Variants in CHRNB4 observed in about 807,000 individuals in gnomAD.
The protein encoded by CHRNB4 is cholinergic receptor nicotinic beta 4 subunit.
A neutral mutation model predicts 40.4 loss-of-function variants in CHRNB4; 23 were observed. That is an observed-to-expected ratio of 0.57 (90% CI 0.41 to 0.81). CHRNB4 has a LOEUF of 0.81. Ranked by LOEUF, CHRNB4 falls within the 30% of genes least tolerant of loss-of-function variation. CHRNB4 has a pLI of 0.00. For missense variants in CHRNB4, 568 were observed against 670.6 expected, an observed-to-expected ratio of 0.85 and a Z score of 1.69; for synonymous variants, 285 against 274.4, an observed-to-expected ratio of 1.04 and a Z score of -0.38.
intron 5 of CHRNB4, among the ~76,000 whole-genome samples, chr15:78,653,219 A>C (rs2054187429): frequency 6.6e-6 from 1 of 152,170 alleles, no homozygotes; most frequent in South Asian, 2.1e-4. Context: ...AGTCATAACT[A>C]ATGATGTGTA....
intron 1 of CHRNB4, chr15:78,658,402 A>G (rs1269319822): frequency 6.6e-6 from 1 of 152,108 alleles, no homozygotes; most frequent in Non-Finnish European, 1.5e-5. Context: ...GTTTGAATGA[A>G]TGAATGAATG....
upstream of CHRNB4, among the ~76,000 whole-genome samples, chr15:78,643,669 A>T (rs1221304326): frequency 6.6e-6 from 1 of 152,148 alleles, no homozygotes; most frequent in Admixed American, 6.5e-5. Context: ...TTAAAATTGG[A>T]AAGAAAAAAC....
At chr15:78,625,351 G>C in intron 5 of CHRNB4, 60 bp from the exon 6 acceptor site, 3 of 1,457,988 alleles carry the variant, frequency 2.1e-6, no homozygotes, top group Non-Finnish European at 2.8e-6. Flanking sequence ...TCCTTTCCCC[G>C]AGTCAGGCCC....
chr15:78,649,475 T>TA (rs750289485), intron 6 of CHRNB4: 23 of 439,492 alleles, frequency 5.2e-5, no homozygotes, highest in South Asian at 2.8e-4. Flanking sequence ...TAAAGCACTA[T>TA]AAAAAACAAA....
At chr15:78,654,751 T>C (rs1272706154) in intron 5 of CHRNB4, among the ~76,000 whole-genome samples, 1 of 152,200 alleles carries the variant, frequency 6.6e-6, no homozygotes, top group East Asian at 1.9e-4. Flanking sequence ...TATAGAATAG[T>C]TCACAAATAA....
In CHRNB4 at chr15:78,635,601, C is replaced by G. The variant is rs373158607; in HGVS notation, c.56-14G>C. ...CGCGGCAGTTCCCTGAGAAAACACA[C>G]AGTCAGACCTGCTGGGCCCTTGTGC... is the stretch of plus-strand genomic sequence containing the variant. On this transcript the variant is annotated splice_polypyrimidine_tract_variant and intron_variant, in intron 1 of 5. Coordinates refer to ENST00000261751, the MANE Select transcript of CHRNB4 (RefSeq NM_000750.5). 30 of 1,613,636 alleles carry G rather than the reference C, an allele frequency of 1.9e-5. No homozygotes were observed. Among genetic ancestry groups the G allele is most frequent in the Non-Finnish European group, 2.5e-5 (30 of 1,179,778 alleles).
chr15:78,629,624 G>T lies in CHRNB4; in HGVS notation c.681C>A (p.Ile227=), dbSNP rs746068831. Residue 227 remains isoleucine (I), a synonymous_variant, in exon 5 of 6, where the codon ATC becomes ATA. Transcript: ENST00000261751. The surrounding 1 kb of genome is among the most constrained non-coding windows in gnomAD (Gnocchi z 6.8). ...PSYVDVTYDF[I]IKRKPLFYTI... is the part of the protein sequence containing the mutation. ...TGTAGAACAGAGGCTTGCGCTTGATGATGAAGTCGTAAGTCACGTCCACGT... is the reference window on the plus strand; with the variant it reads ...TGTAGAACAGAGGCTTGCGCTTGATTATGAAGTCGTAAGTCACGTCCACGT... The T allele has an allele frequency of 1.8e-5, 29 of 1,614,002 alleles. No homozygotes were observed. Among genetic ancestry groups the T allele is most frequent in the East Asian group, 1.8e-4 (8 of 44,884 alleles).
chr15:78,628,567 A>T (rs1298527746), intron 5 of CHRNB4, among the ~76,000 whole-genome samples: 1 of 152,050 alleles, frequency 6.6e-6, no homozygotes, highest in Admixed American at 6.5e-5. Context: ...CAGGGGGGTG[A>T]TCCTGAGGCT....
intron 5 of CHRNB4, among the ~76,000 whole-genome samples, chr15:78,655,183 T>C (rs372213749): frequency 6.6e-6 from 1 of 152,024 alleles, no homozygotes; most frequent in East Asian, 1.9e-4. Context: ...CTTTCTAGAA[T>C]TTTGTATGAA....
At chr15:78,658,933 C>T (rs2054233292) in intron 1 of CHRNB4, among the ~76,000 whole-genome samples, 1 of 152,186 alleles carries the variant, frequency 6.6e-6, no homozygotes, top group South Asian at 2.1e-4. Flanking sequence ...CCAGCTGCTG[C>T]ACACAGTTCA....
chr15:78,658,355 G>C (rs2054230488), exon 2 of CHRNB4: 1 of 151,904 alleles, frequency 6.6e-6, no homozygotes, highest in Admixed American at 6.6e-5. Flanking sequence ...ATATCACCTG[G>C]GCCTTGGCTC....
chr15:78,643,259 GTTTT>G (rs951218707), upstream of CHRNB4, among the ~76,000 whole-genome samples: 15 of 149,040 alleles, frequency 1.0e-4, no homozygotes, highest in African/African-American at 3.2e-4. Flanking sequence ...AGCAAGTTAG[GTTTT>G]TTTTTTGAGA....
chr15:78,650,676 C>T (rs1005583376), intron 6 of CHRNB4, among the ~76,000 whole-genome samples: 1 of 152,154 alleles, frequency 6.6e-6, no homozygotes, highest in African/African-American at 2.4e-5. Flanking sequence ...TGGCCGTGGC[C>T]GCAAGTGGTG....
At chr15:78,646,223 AC>A (rs1406204107), upstream of CHRNB4, among the ~76,000 whole-genome samples, 4 of 152,204 alleles carry the variant, frequency 2.6e-5, no homozygotes. Flanking sequence ...TCCATGACAC[AC>A]GGAAACTTGA....
intron 2 of CHRNB4, among the ~76,000 whole-genome samples, chr15:78,632,173 CTT>C (rs2053829670): frequency 1.3e-4 from 1 of 7,664 alleles, no homozygotes; most frequent in African/African-American, 3.4e-4. Flanking sequence ...TTTTCTTTCT[CTT>C]TCTTTCTTTC....
intron 5 of CHRNB4, 101 bp from the exon 6 acceptor site, chr15:78,625,392 C>G: frequency 8.6e-7 from 1 of 1,163,680 alleles, no homozygotes; most frequent in Non-Finnish European, 1.2e-6. Context: ...CCACAGGCCA[C>G]AGGCGTGGAA....
At chr15:78,634,319 C>G (rs1271769400) in intron 2 of CHRNB4, among the ~76,000 whole-genome samples, 1 of 152,198 alleles carries the variant, frequency 6.6e-6, no homozygotes, top group African/African-American at 2.4e-5. Flanking sequence ...GCAGCAGCTG[C>G]ACCGCAGCAG....
chr15:78,659,748 G>T (rs922554326), intron 1 of CHRNB4, among the ~76,000 whole-genome samples: 6 of 152,184 alleles, frequency 3.9e-5, no homozygotes, highest in Non-Finnish European at 8.8e-5. Flanking sequence ...CATCATTTAA[G>T]GTCTTCAAAT....
chr15:78,637,800 T>C (rs767736196), intron 1 of CHRNB4, among the ~76,000 whole-genome samples: 11 of 152,172 alleles, frequency 7.2e-5, no homozygotes, highest in South Asian at 6.2e-4. Context: ...ATGCTCCTAG[T>C]GCACCTGCTG....
Sources: allele counts gnomAD v4.1 joint callset (sites outside exome capture counted in the v4.1 genomes callset), GRCh38; gene constraint gnomAD v4.1.1; non-coding constraint Gnocchi (gnomAD v3.1); transcripts MANE v1.5; gene names NCBI Gene and HGNC (gene_info 2026-07-23, HGNC 2026-07-21).